The following DDIAS variants were observed in gnomAD, a reference collection of about 807,000 sequenced individuals.
DDIAS encodes the protein DNA damage induced apoptosis suppressor.
In DDIAS, 14 loss-of-function variants were observed where a neutral mutation model predicts 15.7. The ratio of observed to expected loss-of-function variants is 0.89; its 90% CI spans 0.59 to 1.39. The LOEUF is 1.39. Ranked by LOEUF, DDIAS falls within the 40% of genes most tolerant of loss-of-function variation. The pLI, the probability that DDIAS is intolerant of heterozygous loss-of-function variation, is 0.00. For synonymous variants in DDIAS, 355 were observed against 395.9 expected (o/e 0.90, Z 1.23); for missense variants, 1,035 against 1,130.9 (o/e 0.92, Z 1.22).
At chr11:82,930,052 T>C in intron 4 of DDIAS, 105 bp from the exon 5 acceptor site, 3 of 654,266 alleles carry the variant, frequency 4.6e-6, no homozygotes, top group Non-Finnish European at 5.1e-6. Context: ...TTTTCCTCTA[T>C]AAAAGGTTCA....
At chr11:82,929,108 G>T (rs1860931137) in intron 4 of DDIAS, among the ~76,000 whole-genome samples, 170 bp downstream of exon 4, 1 of 152,148 alleles carries the variant, frequency 6.6e-6, no homozygotes, top group Non-Finnish European at 1.5e-5. Context: ...TACATATTAT[G>T]ATGATATTAA....
intron 3 of DDIAS, among the ~76,000 whole-genome samples, chr11:82,928,453 C>T (rs1020474252): frequency 2.0e-5 from 3 of 151,934 alleles, no homozygotes; most frequent in African/African-American, 7.3e-5. Context: ...CCCGCCTCGG[C>T]CTCCCAAAGT....
chr11:82,923,270 A>G (rs1410058353), intron 3 of DDIAS, among the ~76,000 whole-genome samples: 1 of 152,118 alleles, frequency 6.6e-6, no homozygotes, highest in Non-Finnish European at 1.5e-5. Context: ...GATGATCTAA[A>G]TCCTGGTGCT....
chr11:82,932,666 G>A lies in DDIAS; in HGVS notation c.1328G>A (p.Arg443Lys), dbSNP rs1252979921. ...IAVTQADVSS[R>K]KHHVDNDIDK... ...GTAACCCAGGCAGATGTCAGTAGTAGGAAACATCATGTAGATAATGACATT... is the reference window on the plus strand; with the variant it reads ...GTAACCCAGGCAGATGTCAGTAGTAAGAAACATCATGTAGATAATGACATT... The change falls in exon 6 of 6, where the codon AGG becomes AAG. Residue 443 changes from arginine (R) to lysine (K), a missense_variant. Coordinates refer to ENST00000533655, the MANE Select transcript of DDIAS (RefSeq NM_145018.4). The A allele has an allele frequency of 4.3e-6, 7 of 1,613,988 alleles. No individual in the cohort carries two copies. The highest frequency in any genetic ancestry group is 5.9e-6 in the Non-Finnish European group (7 of 1,180,024).
At chr11:82,918,214 C>A (rs892242491) in intron 3 of DDIAS, among the ~76,000 whole-genome samples, 2 of 152,140 alleles carry the variant, frequency 1.3e-5, no homozygotes, top group Non-Finnish European at 2.9e-5. Flanking sequence ...CCAATGTTAT[C>A]TTCTAGAATT....
At chr11:82,927,568 G>GA (rs1337517040) in intron 3 of DDIAS, among the ~76,000 whole-genome samples, 2 of 152,056 alleles carry the variant, frequency 1.3e-5, no homozygotes, top group Non-Finnish European at 2.9e-5. Context: ...GCAATCTGAA[G>GA]AAAAAACAAA....
chr11:82,905,635 T>C (rs1860413642), intron 1 of DDIAS, among the ~76,000 whole-genome samples: 1 of 152,186 alleles, frequency 6.6e-6, no homozygotes, highest in African/African-American at 2.4e-5. Flanking sequence ...ATTTCCAAAA[T>C]AGAATTTGCC....
intron 1 of DDIAS, among the ~76,000 whole-genome samples, chr11:82,908,046 T>C (rs996740875): frequency 6.6e-6 from 1 of 152,176 alleles, no homozygotes; most frequent in Non-Finnish European, 1.5e-5. Flanking sequence ...AAACAGGTGA[T>C]GCCATAGAAA....
chr11:82,905,960 C>T (rs1287775059), intron 1 of DDIAS, among the ~76,000 whole-genome samples: 1 of 152,146 alleles, frequency 6.6e-6, no homozygotes, highest in African/African-American at 2.4e-5. Context: ...ATCATCATAT[C>T]TTCCTAATTT....
At position 82,934,058 on chromosome 11, in the gene DDIAS, A is replaced by C. The variant is rs759065211; in HGVS notation, c.2720A>C (p.His907Pro). The stretch of plus-strand genomic sequence containing the variant: ...GAGTTACCAAGAAAGAAACTGAAAC[A>C]TATTAGACAAGGAACCAATAAAGGT... ...QQELPRKKLK[H>P]IRQGTNKGLI... The change falls in exon 6 of 6, where the codon CAT (histidine) becomes CCT (proline). Residue 907 changes from histidine to proline, a missense_variant. Transcript: ENST00000533655. 38 of 1,613,244 alleles carry C rather than the reference A, an allele frequency of 2.4e-5. No homozygotes were observed. The highest frequency in any genetic ancestry group is 8.0e-5 in the African/African-American group (6 of 74,892).
At position 82,933,419 on chromosome 11, in the gene DDIAS, C is replaced by T; in HGVS notation, c.2081C>T (p.Thr694Ile). 1 of 1,613,596 alleles carries T rather than the reference C, an allele frequency of 6.2e-7. No individual in the cohort carries two copies. The highest frequency in any genetic ancestry group is 8.5e-7 in the Non-Finnish European group (1 of 1,179,854). Residue 694 changes from threonine (T) to isoleucine (I), a missense_variant, in exon 6 of 6, where the codon ACC (threonine) becomes ATC (isoleucine). Thr to Ile is a moderately conservative substitution (Grantham distance 89, BLOSUM62 -1). Coordinates refer to ENST00000533655, the MANE Select transcript of DDIAS (RefSeq NM_145018.4). ...GAAATGGACATTGCAACTGAGATTA[C>T]CAAAAAATCACAGGATATTTTGTTA... ...AKEMDIATEI[T>I]KKSQDILLKW...
Position 82,928,925 on chromosome 11 carries a change from A to G in DDIAS, c.262A>G (p.Thr88Ala), listed in dbSNP as rs1252670730. ...AGATACATTTTTTGGTCTTACTGCC[A>G]CTGGTTTGCACAGGTAAGAATACTT... ...CLDTFFGLTATGLHRYIQDPN... is the reference protein window; with the variant it reads ...CLDTFFGLTAAGLHRYIQDPN... Residue 88 changes from threonine to alanine, a missense_variant, in exon 4 of 6, where the codon ACT becomes GCT. Thr to Ala is a moderately conservative substitution (Grantham distance 58). Coordinates refer to ENST00000533655, the MANE Select transcript of DDIAS (RefSeq NM_145018.4). 1 of 1,611,164 alleles carries G rather than the reference A, an allele frequency of 6.2e-7. No individual in the cohort carries two copies. Among genetic ancestry groups the G allele is most frequent in the East Asian group, 2.2e-5 (1 of 44,702 alleles).
At position 82,933,368 on chromosome 11, in the gene DDIAS, C is replaced by T. The variant is rs754679712; in HGVS notation, c.2030C>T (p.Ala677Val). Residue 677 changes from alanine (A) to valine (V), a missense_variant, in exon 6 of 6, where the codon GCT becomes GTT. Ala to Val is a moderately conservative substitution (Grantham distance 64). Transcript: ENST00000533655. Reference sequence around the variant, plus strand: ...TATGAAGGTAGCTATGATGCCTCTGCTGATCTCTTTGATGATATTGCTAAA... The same window carrying T: ...TATGAAGGTAGCTATGATGCCTCTGTTGATCTCTTTGATGATATTGCTAAA... ...IGYEGSYDAS[A>V]DLFDDIAKEM... 2.5e-6 allele frequency: 4 copies of T among 1,613,974 alleles called. No homozygotes were observed. The highest frequency in any genetic ancestry group is 1.1e-5 in the South Asian group (1 of 91,076).
intron 1 of DDIAS, among the ~76,000 whole-genome samples, chr11:82,902,475 T>C (rs1203914509): frequency 2.0e-5 from 3 of 150,982 alleles, no homozygotes; most frequent in Non-Finnish European, 4.4e-5. Flanking sequence ...GCTGATAAAG[T>C]TCATATTTGA....
intron 3 of DDIAS, 27 bp from the exon 4 acceptor site, chr11:82,928,747 TCTC>T: frequency 6.2e-7 from 1 of 1,607,470 alleles, no homozygotes; most frequent in Non-Finnish European, 8.5e-7. Flanking sequence ...TTAATGAACA[TCTC>T]CACACTTTTT....
Position 82,933,672 on chromosome 11 carries a change from A to C in DDIAS, c.2334A>C (p.Ser778=), listed in dbSNP as rs755724957. Reference sequence around the variant, plus strand: ...CATGTTCACAGTCAACTCCAATTTCAGGGTTCCACCAAACAAGAATTCATG... The same window carrying C: ...CATGTTCACAGTCAACTCCAATTTCCGGGTTCCACCAAACAAGAATTCATG... ...FVPCSQSTPI[S]GFHQTRIHGI... is the part of the protein sequence containing the mutation. Residue 778 remains serine (S), a synonymous_variant, in exon 6 of 6, where the codon TCA becomes TCC. Transcript: ENST00000533655. 2.5e-6 allele frequency: 4 copies of C among 1,614,112 alleles called. No individual in the cohort carries two copies. The South Asian group carries it at 4.4e-5, about 18-fold the overall frequency.
chr11:82,905,646 A>G (rs942787792), intron 1 of DDIAS, among the ~76,000 whole-genome samples: 1 of 152,184 alleles, frequency 6.6e-6, no homozygotes, highest in African/African-American at 2.4e-5. Flanking sequence ...AGAATTTGCC[A>G]GAATTGCAGT....
At chr11:82,914,430 T>G (rs1860590134) in intron 2 of DDIAS, among the ~76,000 whole-genome samples, 1 of 152,212 alleles carries the variant, frequency 6.6e-6, no homozygotes, top group Non-Finnish European at 1.5e-5. Context: ...CTTGTAAAGG[T>G]GTGAAGAAGC....
At chr11:82,902,856 G>A (rs1392183132) in intron 1 of DDIAS, among the ~76,000 whole-genome samples, 1 of 152,168 alleles carries the variant, frequency 6.6e-6, no homozygotes, top group African/African-American at 2.4e-5. Flanking sequence ...GAATTGCTAG[G>A]TACTGAGATC....
Sources: gnomAD v4.1 joint callset for allele counts (sites outside exome capture counted in the v4.1 genomes callset) on GRCh38, gnomAD v4.1.1 for gene constraint, MANE v1.5 for transcripts, NCBI Gene and HGNC (gene_info 2026-07-23, HGNC 2026-07-21) for gene names.